The following TECPR2 variants were observed in gnomAD, a reference collection of about 807,000 sequenced individuals.
TECPR2 encodes tectonin beta-propeller repeat containing 2, also known as tectonin beta-propeller repeat-containing protein 2.
In TECPR2, 65 loss-of-function variants were observed where a neutral mutation model predicts 138.1. The observed-to-expected ratio is 0.47, with a 90% CI of 0.39 to 0.58. TECPR2 has a LOEUF of 0.58. TECPR2 is among the 20% of genes least tolerant of loss of function. The probability of loss-of-function intolerance (pLI) is 0.00; values close to 1 mark genes in which losing one functional copy is unlikely to be tolerated. For synonymous variants in TECPR2, 746 were observed against 749.8 expected (o/e 0.99, Z 0.08); for missense variants, 1,553 against 1,824.5 (o/e 0.85, Z 2.71).
At chr14:102,467,758 A>C (rs1890577406) in intron 17 of TECPR2, among the ~76,000 whole-genome samples, 1 of 152,112 alleles carries the variant, frequency 6.6e-6, no homozygotes, top group African/African-American at 2.4e-5. Context: ...TTGACCTAAC[A>C]ACTAATGATA....
rs1394253194 is a variant in TECPR2, at chr14:102,407,323, T to G, written c.220-15T>G. 1.3e-6 allele frequency: 2 copies of G among 1,584,942 alleles called. No homozygotes were observed. The highest frequency in any genetic ancestry group is 1.7e-6 in the Non-Finnish European group (2 of 1,168,368). On this transcript the variant is annotated splice_polypyrimidine_tract_variant and intron_variant, in intron 2 of 19. Coordinates refer to ENST00000359520, the MANE Select transcript of TECPR2 (RefSeq NM_014844.5). ...TGCATAGTTACAGATTCATTTGTTT[T>G]CAACGTTTCCCCAGGGGAAGACGGA...
chr14:102,381,394 G>A (rs185655465), intron 2 of TECPR2, among the ~76,000 whole-genome samples: 66 of 152,300 alleles, frequency 4.3e-4, no homozygotes, highest in African/African-American at 1.3e-3. Flanking sequence ...CCAACATGGC[G>A]AGAGCCCCAT....
chr14:102,464,279 T>C (rs187558459), intron 16 of TECPR2, among the ~76,000 whole-genome samples: 5 of 152,402 alleles, frequency 3.3e-5, no homozygotes, highest in Admixed American at 3.3e-4. Flanking sequence ...CAGACTATTA[T>C]CAAATGTAAT....
At chr14:102,477,763 C>A (rs1324081705) in intron 17 of TECPR2, among the ~76,000 whole-genome samples, 1 of 131,766 alleles carries the variant, frequency 7.6e-6, no homozygotes, top group African/African-American at 2.8e-5. Context: ...GGTTTTACCA[C>A]GTTAGCCAGG....
chr14:102,384,686 T>G (rs112913211), intron 2 of TECPR2, among the ~76,000 whole-genome samples: 4 of 138,610 alleles, frequency 2.9e-5, no homozygotes, highest in Non-Finnish European at 4.7e-5. Flanking sequence ...CAAAAAAAAA[T>G]ATATATATAT....
At chr14:102,377,068 A>C in intron 2 of TECPR2, 128 bp downstream of exon 2, 1 of 938,716 alleles carries the variant, frequency 1.1e-6, no homozygotes, top group South Asian at 1.7e-5. Flanking sequence ...TCACCCAAAC[A>C]ATACTTTAAA....
intron 7 of TECPR2, among the ~76,000 whole-genome samples, chr14:102,428,710 T>C (rs1889392461): frequency 6.6e-6 from 1 of 152,148 alleles, no homozygotes; most frequent in Admixed American, 6.5e-5. Context: ...TGCTGTAAGC[T>C]AAGATTGCAC....
intron 17 of TECPR2, among the ~76,000 whole-genome samples, chr14:102,468,048 G>A (rs922766549): frequency 6.6e-6 from 1 of 151,246 alleles, no homozygotes; most frequent in Non-Finnish European, 1.5e-5. Context: ...GTTTCACCAT[G>A]TTGGCCAGGC....
chr14:102,449,983 G>T, intron 14 of TECPR2, 114 bp downstream of exon 14: 1 of 1,477,638 alleles, frequency 6.8e-7, no homozygotes, highest in Non-Finnish European at 9.1e-7. Flanking sequence ...AGTGCCAGTG[G>T]TATGAAGTGT....
chr14:102,432,106 G>A lies in TECPR2; in HGVS notation c.1395G>A (p.Arg465=). 6.5e-7 allele frequency: 1 copy of A among 1,549,998 alleles called. No homozygotes were observed. The highest frequency in any genetic ancestry group is 8.7e-7 in the Non-Finnish European group (1 of 1,143,322). The part of the protein sequence containing the change: ...ELVVKPIKVK[R]KKKKKKTEGG... ...TCGTGAAGCCTATCAAAGTGAAAAGGAAGAAGAAGAAGAAGAAGACAGGTA... is the reference window on the plus strand; with the variant it reads ...TCGTGAAGCCTATCAAAGTGAAAAGAAAGAAGAAGAAGAAGAAGACAGGTA... The change falls in exon 8 of 20, where the codon AGG becomes AGA. Residue 465 remains arginine, a synonymous_variant. Transcript: ENST00000359520.
At chr14:102,494,614 G>A (rs533758919) in intron 17 of TECPR2, among the ~76,000 whole-genome samples, 1 of 150,286 alleles carries the variant, frequency 6.7e-6, no homozygotes, top group East Asian at 2.0e-4. Context: ...GATCACCTGA[G>A]GTCAGGAGTT....
intron 7 of TECPR2, among the ~76,000 whole-genome samples, chr14:102,430,956 A>G (rs1889453795): frequency 6.6e-6 from 1 of 152,072 alleles, no homozygotes; most frequent in Admixed American, 6.6e-5. Flanking sequence ...TGTTATACAC[A>G]GGCATCTCTC....
intron 13 of TECPR2, among the ~76,000 whole-genome samples, chr14:102,448,740 G>A (rs938355355): frequency 2.6e-5 from 4 of 151,900 alleles, no homozygotes; most frequent in South Asian, 2.1e-4. Context: ...TGTGGCGTGC[G>A]CCTGTAGTCC....
At position 102,434,635 on chromosome 14, in the gene TECPR2, T is replaced by C. The variant is rs2139731044; in HGVS notation, c.1818T>C (p.Asp606=). Residue 606 remains aspartate (D), a synonymous_variant, in exon 9 of 20, where the codon GAT becomes GAC. Coordinates refer to ENST00000359520, the MANE Select transcript of TECPR2 (RefSeq NM_014844.5). ...GAGATGAGCCGTGTCCTGCAGATGA[T>C]GGACCAAATAGCACACAGTTACCCT... ...GLGDEPCPAD[D]GPNSTQLPFQ... The C allele has an allele frequency of 3.1e-6, 5 of 1,594,972 alleles. No homozygotes were observed. The highest frequency in any genetic ancestry group is 4.3e-6 in the Non-Finnish European group (5 of 1,167,102).
In TECPR2 at chr14:102,425,127, G is replaced by T. The variant is rs758522721; in HGVS notation, c.787G>T (p.Gly263Trp). ...ATFILKDAFA[G>W]GVKPFELHPR... ...GTTTATCTTAAAAGATGCTTTTGCC[G>T]GGGGAGTCAAGCCTTTTGAACTGCA... The change falls in exon 6 of 20, where the codon GGG (glycine) becomes TGG (tryptophan). Residue 263 changes from glycine (G) to tryptophan (W), a missense_variant. Gly to Trp is a radical substitution (Grantham distance 184, BLOSUM62 -2). Transcript: ENST00000359520. The T allele has an allele frequency of 6.2e-7, 1 of 1,613,998 alleles. No individual in the cohort carries two copies. Among genetic ancestry groups the T allele is most frequent in the Non-Finnish European group, 8.5e-7 (1 of 1,180,046 alleles).
intron 1 of TECPR2, among the ~76,000 whole-genome samples, chr14:102,371,494 G>T (rs906169563): frequency 6.6e-6 from 1 of 152,146 alleles, no homozygotes; most frequent in Non-Finnish European, 1.5e-5. Flanking sequence ...CCCAGATAGG[G>T]AAATAGCATG....
At chr14:102,442,560 G>C (rs1206253406) in intron 11 of TECPR2, among the ~76,000 whole-genome samples, 1 of 152,230 alleles carries the variant, frequency 6.6e-6, no homozygotes, top group Non-Finnish European at 1.5e-5. Context: ...GGGGTGAGGA[G>C]CGAGTGACCT....
chr14:102,491,550 G>A (rs535003076), intron 17 of TECPR2, among the ~76,000 whole-genome samples: 4 of 152,238 alleles, frequency 2.6e-5, no homozygotes, highest in Admixed American at 6.5e-5. Flanking sequence ...AGCTTCCCAC[G>A]TCACTCAGAA....
intron 4 of TECPR2, among the ~76,000 whole-genome samples, chr14:102,411,337 CACGT>C (rs1217357631): frequency 6.6e-6 from 1 of 152,214 alleles, no homozygotes; most frequent in African/African-American, 2.4e-5. Flanking sequence ...CTGTGACTTC[CACGT>C]ACGTATACGC....
Sources: gnomAD v4.1 joint callset for allele counts (sites outside exome capture counted in the v4.1 genomes callset) on GRCh38, gnomAD v4.1.1 for gene constraint, MANE v1.5 for transcripts, NCBI Gene and HGNC (gene_info 2026-07-23, HGNC 2026-07-21) for gene names.